INSL6: variants seen among roughly 807,000 people sequenced by gnomAD.
INSL6 encodes the protein insulin like 6.
A neutral mutation model predicts 9.4 loss-of-function variants in INSL6; 16 were observed. The observed-to-expected ratio is 1.70, with a 90% CI of 1.15 to 2.59. INSL6 has a LOEUF of 2.59. Among genes scored for constraint, INSL6 ranks in the 30% most tolerant of loss-of-function variants. The pLI is 0.00. For synonymous variants in INSL6, 154 were observed against 96.9 expected, an observed-to-expected ratio of 1.59 and a Z score of -3.46; for missense variants, 391 against 257.3, an observed-to-expected ratio of 1.52 and a Z score of -3.56.
chr9:5,086,115 G>T, the INSL6 span: 1 of 458,332 alleles, frequency 2.2e-6, no homozygotes, highest in South Asian at 2.5e-5. Flanking sequence ...CGCGGGCATC[G>T]GCAGCGGCGC....
intron 2 of INSL6, among the ~76,000 whole-genome samples, chr9:5,153,023 T>A (rs921899514): frequency 1.3e-5 from 2 of 152,090 alleles, no homozygotes; most frequent in Non-Finnish European, 2.9e-5. Context: ...ACTGCACTTT[T>A]CCCATGGTCC....
At chr9:5,085,075 C>G in the INSL6 span, 5 of 682,162 alleles carry the variant, frequency 7.3e-6, no homozygotes, top group Non-Finnish European at 1.4e-5. Context: ...ACTGCTCTCT[C>G]TTATTGCTTC....
At chr9:5,077,565 G>A in the INSL6 span, 1 of 1,484,654 alleles carries the variant, frequency 6.7e-7, no homozygotes, top group Non-Finnish European at 8.9e-7. Flanking sequence ...AGTTGGCATG[G>A]GCCATGCATT....
At chr9:5,099,510 C>G in the INSL6 span, 3 of 152,072 alleles carry the variant, frequency 2.0e-5, no homozygotes, top group Non-Finnish European at 4.4e-5. Flanking sequence ...TATATTATCC[C>G]TACACCAAAA....
chr9:5,013,705 A>G, the INSL6 span, among the ~76,000 whole-genome samples: 1 of 152,204 alleles, frequency 6.6e-6, no homozygotes, highest in South Asian at 2.1e-4. Context: ...TTGTTGTGTG[A>G]AACTTCTAAA....
chr9:5,022,027 A>G, the INSL6 span: 1 of 1,614,156 alleles, frequency 6.2e-7, no homozygotes, highest in Non-Finnish European at 8.5e-7. Context: ...AATGGAGGGA[A>G]CATCCACCTC....
At chr9:5,182,005 T>C (rs1010784234) in intron 1 of INSL6, among the ~76,000 whole-genome samples, 1 of 152,200 alleles carries the variant, frequency 6.6e-6, no homozygotes. Context: ...AAGAGCAATC[T>C]GATACTCCTC....
chr9:5,003,726 A>G, the INSL6 span, among the ~76,000 whole-genome samples: 1 of 152,212 alleles, frequency 6.6e-6, no homozygotes, highest in South Asian at 2.1e-4. Flanking sequence ...ACTAGCCACA[A>G]TGTCCACTAT....
At chr9:5,064,957 A>C in the INSL6 span, 1 of 1,607,522 alleles carries the variant, frequency 6.2e-7, no homozygotes, top group South Asian at 1.1e-5. Context: ...GATTAACTGC[A>C]GATGCACATC....
chr9:5,093,193 C>G, the INSL6 span, among the ~76,000 whole-genome samples: 2 of 152,078 alleles, frequency 1.3e-5, no homozygotes, highest in Non-Finnish European at 2.9e-5. Flanking sequence ...AATAAGCATC[C>G]TATTATTTAT....
intron 2 of INSL6, among the ~76,000 whole-genome samples, chr9:5,139,230 G>T (rs1013514748): frequency 7.2e-5 from 11 of 152,068 alleles, no homozygotes; most frequent in African/African-American, 2.7e-4. Context: ...GTGTAGTATA[G>T]CATTGTGGCT....
At chr9:5,171,760 A>C (rs1825187001) in intron 1 of INSL6, among the ~76,000 whole-genome samples, 2 of 152,174 alleles carry the variant, frequency 1.3e-5, no homozygotes, top group Non-Finnish European at 2.9e-5. Context: ...AAGAGAATAT[A>C]CCTATGAATA....
the INSL6 span, among the ~76,000 whole-genome samples, chr9:5,008,207 T>C: frequency 6.6e-6 from 1 of 152,234 alleles, no homozygotes; most frequent in Non-Finnish European, 1.5e-5. Flanking sequence ...GTCCCAAATA[T>C]ATAAAATGTT....
the INSL6 span, among the ~76,000 whole-genome samples, chr9:5,002,490 A>T: frequency 6.6e-6 from 1 of 152,030 alleles, no homozygotes; most frequent in Non-Finnish European, 1.5e-5. Flanking sequence ...ATGGCCAAGA[A>T]TATAATTCAT....
At chr9:5,041,161 T>A in the INSL6 span, 12 of 1,192,032 alleles carry the variant, frequency 1.0e-5, no homozygotes, top group Admixed American at 3.6e-5. Context: ...CGCGCATGGA[T>A]TATGTGCACA....
intron 1 of INSL6, among the ~76,000 whole-genome samples, chr9:5,166,610 T>C (rs1227520931): frequency 6.6e-6 from 1 of 152,120 alleles, no homozygotes; most frequent in African/African-American, 2.4e-5. Context: ...CCTTAACTGG[T>C]ACACAATGAC....
intron 2 of INSL6, among the ~76,000 whole-genome samples, chr9:5,146,076 G>A (rs1824596722): frequency 6.6e-6 from 1 of 151,868 alleles, no homozygotes; most frequent in Admixed American, 6.6e-5. Context: ...TCATCTTTGT[G>A]GGCTTATCTA....
At chr9:5,090,438 G>A in the INSL6 span, 1 of 1,526,226 alleles carries the variant, frequency 6.6e-7, no homozygotes, top group Non-Finnish European at 8.8e-7. Flanking sequence ...CCACCTTTAT[G>A]TTAAAAGGTC....
At chr9:5,070,049 ATTTG>A in the INSL6 span, 1 of 1,599,064 alleles carries the variant, frequency 6.3e-7, no homozygotes. Flanking sequence ...AAGATTTGAT[ATTTG>A]TAAGTCATTA....
Sources: gnomAD v4.1 joint callset for allele counts (sites outside exome capture counted in the v4.1 genomes callset) on GRCh38, gnomAD v4.1.1 for gene constraint, MANE v1.5 for transcripts, NCBI Gene and HGNC (gene_info 2026-07-23, HGNC 2026-07-21) for gene names.